Variants in ADCY2 observed in about 807,000 individuals in gnomAD.
The protein encoded by ADCY2 is adenylate cyclase type 2.
A neutral mutation model predicts 125.2 loss-of-function variants in ADCY2; 31 were observed. The ratio of observed to expected loss-of-function variants is 0.25; its 90% confidence interval spans 0.19 to 0.33. The LOEUF is 0.33. ADCY2 is among the 10% of genes least tolerant of loss of function. The probability of loss-of-function intolerance (pLI) is 1.00; values close to 1 mark genes in which losing one functional copy is unlikely to be tolerated. For missense variants in ADCY2, 904 were observed against 1,418.2 expected (o/e 0.64, Z 5.82); for synonymous variants, 512 against 548.4 (o/e 0.93, Z 0.93).
chr5:7,465,326 C>T (rs1742075286), intron 2 of ADCY2, among the ~76,000 whole-genome samples: 1 of 152,180 alleles, frequency 6.6e-6, no homozygotes, highest in Non-Finnish European at 1.5e-5. Flanking sequence ...AGTCTTTTTT[C>T]TCATGTCCCA....
chr5:7,727,328 T>G (rs1449113770), intron 14 of ADCY2, 67 bp downstream of exon 14: 2 of 1,301,976 alleles, frequency 1.5e-6, no homozygotes, highest in East Asian at 4.6e-5. Flanking sequence ...CCAGTTATAT[T>G]TAAAGGTGTG....
Position 7,490,997 on chromosome 5 carries a change from A to G in ADCY2, c.409-29741A>G, listed in dbSNP as rs377465169. 1.2e-4 allele frequency among the ~76,000 whole-genome samples: 19 copies of G among 152,340 alleles called. No homozygotes were observed. In the East Asian group the frequency reaches 1.4e-3, roughly 11 times the overall value. ...GATGATGCTATTGCATTAAAAAATA[A>G]CATGCTCCTTACAATTAAAATACTA... On this transcript the variant is annotated intron_variant, in intron 2 of 24. Coordinates refer to ENST00000338316, the MANE Select transcript of ADCY2 (RefSeq NM_020546.3).
chr5:7,776,043 C>T (rs2126486620), intron 18 of ADCY2, among the ~76,000 whole-genome samples: 1 of 152,272 alleles, frequency 6.6e-6, no homozygotes, highest in South Asian at 2.1e-4. Context: ...GTGACTCATG[C>T]CAGAGGTAAA....
chr5:7,827,282 A>T lies in ADCY2; in HGVS notation c.*411A>T. The stretch of plus-strand genomic sequence containing the variant: ...ATTCAAACACACAGTATTCGTGAAT[A>T]AGTTGATTCTGTCCCCCACGTGGAC... On this transcript the variant is annotated 3_prime_UTR_variant, in exon 25 of 25. Transcript: ENST00000338316. 5.9e-6 allele frequency: 1 copy of T among 168,338 alleles called. No homozygotes were observed. The highest frequency in any genetic ancestry group is 1.3e-5 in the Non-Finnish European group (1 of 77,424). 10.4% of individuals were successfully genotyped at this position (168,338 alleles called of 1,614,324 possible). A position where few individuals can be genotyped will look rare whatever the true frequency, so the allele number is the denominator to read the frequency against.
At chr5:7,679,698 A>T (rs1226669456) in intron 4 of ADCY2, among the ~76,000 whole-genome samples, 1 of 152,238 alleles carries the variant, frequency 6.6e-6, no homozygotes. Context: ...GCACATGGGC[A>T]GATATTGACT....
At chr5:7,616,976 C>CA (rs1737785822) in intron 3 of ADCY2, among the ~76,000 whole-genome samples, 1 of 152,072 alleles carries the variant, frequency 6.6e-6, no homozygotes, top group African/African-American at 2.4e-5. Context: ...TTTTTGTCCC[C>CA]TCTGAAACTC....
rs146330642 is a variant in ADCY2 at position 7,537,287 on chromosome 5, G to T, written c.570+16388G>T. 3.4e-3 allele frequency among the ~76,000 whole-genome samples: 511 copies of T among 151,968 alleles called. 2 individuals carry two copies. The highest frequency in any genetic ancestry group is 0.011 in the African/African-American group (471 of 41,408). On this transcript the variant is annotated intron_variant, in intron 3 of 24. Transcript: ENST00000338316. ...AATTTAAAATTCATTTTTATTCCTG[G>T]CTCCAGGTTTCAATACATGTTTGTC...
At chr5:7,648,005 A>C (rs1738960364) in intron 4 of ADCY2, among the ~76,000 whole-genome samples, 2 of 152,242 alleles carry the variant, frequency 1.3e-5, no homozygotes, top group Non-Finnish European at 2.9e-5. Context: ...TCTGGACTTC[A>C]GTTTCCTCCT....
intron 2 of ADCY2, among the ~76,000 whole-genome samples, chr5:7,517,233 G>A (rs1023467336): frequency 6.6e-6 from 1 of 152,142 alleles, no homozygotes; most frequent in Non-Finnish European, 1.5e-5. Context: ...GGTTTCTGCA[G>A]AGGATCACAG....
intron 14 of ADCY2, among the ~76,000 whole-genome samples, chr5:7,728,949 T>G (rs1742015004): frequency 1.3e-5 from 2 of 152,210 alleles, no homozygotes; most frequent in Non-Finnish European, 2.9e-5. Context: ...GTCATGTCTT[T>G]GCTGGCTTGG....
chr5:7,742,173 G>T (rs1003250517), intron 14 of ADCY2, among the ~76,000 whole-genome samples: 20 of 148,262 alleles, frequency 1.3e-4, no homozygotes, highest in African/African-American at 5.0e-4. Context: ...TAAAACAGAA[G>T]AGAAGATAGC....
chr5:7,617,274 G>A lies in ADCY2; in HGVS notation c.571-8893G>A, dbSNP rs11953580. On this transcript the variant is annotated intron_variant, in intron 3 of 24. Coordinates refer to ENST00000338316, the MANE Select transcript of ADCY2 (RefSeq NM_020546.3). ...CAGAACTGTGAGCTGATAAATTTCT[G>A]TTTTGTGTAAGTTACCCAGTCTGTG... 2.9e-3 allele frequency among the ~76,000 whole-genome samples: 443 copies of A among 152,174 alleles called. 2 individuals carry two copies. Among genetic ancestry groups the A allele is most frequent in the African/African-American group, 9.4e-3 (389 of 41,504 alleles).
At chr5:7,444,242 T>C (rs1257976120) in intron 2 of ADCY2, among the ~76,000 whole-genome samples, 1 of 150,902 alleles carries the variant, frequency 6.6e-6, no homozygotes, top group Admixed American at 6.6e-5. Flanking sequence ...GCCTCCCGAG[T>C]AGCTGGGACT....
intron 3 of ADCY2, among the ~76,000 whole-genome samples, chr5:7,597,765 A>G (rs899312572): frequency 6.6e-5 from 10 of 152,208 alleles, no homozygotes; most frequent in African/African-American, 1.7e-4. Context: ...AGCCTGGGTG[A>G]CAGACTGAGA....
intron 20 of ADCY2, chr5:7,797,554 C>A (rs1744461458): frequency 6.6e-6 from 1 of 152,250 alleles, no homozygotes; most frequent in Admixed American, 6.5e-5. Context: ...GTGTCCCTAA[C>A]ATCTGGTATG....
At chr5:7,504,742 CA>C (rs1184037282) in intron 2 of ADCY2, among the ~76,000 whole-genome samples, 1 of 151,424 alleles carries the variant, frequency 6.6e-6, no homozygotes, top group Non-Finnish European at 1.5e-5. Flanking sequence ...CTCCTGGGCT[CA>C]AAAGATCCAC....
chr5:7,434,727 G>A (rs745327919), intron 2 of ADCY2, among the ~76,000 whole-genome samples: 2 of 152,208 alleles, frequency 1.3e-5, no homozygotes, highest in Non-Finnish European at 2.9e-5. Flanking sequence ...CTATTTGTGA[G>A]TTTCACAGAG....
chr5:7,736,338 A>G (rs1742252733), intron 14 of ADCY2, among the ~76,000 whole-genome samples: 1 of 152,198 alleles, frequency 6.6e-6, no homozygotes, highest in East Asian at 1.9e-4. Flanking sequence ...TTTACTTTTT[A>G]TAGGTAAGCC....
At chr5:7,497,690 C>T (rs192569443) in intron 2 of ADCY2, among the ~76,000 whole-genome samples, 52 of 151,904 alleles carry the variant, frequency 3.4e-4, no homozygotes, top group Middle Eastern at 3.4e-3. Flanking sequence ...CCAGCAGAGC[C>T]GGATATGGAA....
Sources: gnomAD v4.1 joint callset for allele counts (sites outside exome capture counted in the v4.1 genomes callset) on GRCh38, gnomAD v4.1.1 for gene constraint, MANE v1.5 for transcripts, NCBI Gene and HGNC (gene_info 2026-07-23, HGNC 2026-07-21) for gene names.